The following BANP variants were observed in gnomAD, a reference collection of about 807,000 sequenced individuals.
BANP encodes the protein BTG3 associated nuclear protein.
BANP carries 11 observed loss-of-function variants against 68.1 expected under a neutral mutation model. That is an observed-to-expected ratio of 0.16 (90% CI 0.10 to 0.27). The LOEUF is 0.27. Ranked by LOEUF, BANP falls within the 10% of genes least tolerant of loss-of-function variation. The pLI, the probability that BANP is intolerant of heterozygous loss-of-function variation, is 1.00. For synonymous variants in BANP, 329 were observed against 303.2 expected, an observed-to-expected ratio of 1.09 and a Z score of -0.88; for missense variants, 504 against 722.7, an observed-to-expected ratio of 0.70 and a Z score of 3.47.
At chr16:87,969,291 G>A (rs2060685866) in intron 1 of BANP, among the ~76,000 whole-genome samples, 2 of 152,084 alleles carry the variant, frequency 1.3e-5, no homozygotes, top group South Asian at 2.1e-4. Context: ...ATATGTGAAT[G>A]TCTGTGCTGG....
intron 1 of BANP, among the ~76,000 whole-genome samples, chr16:87,968,450 C>T (rs886580139): frequency 1.2e-4 from 18 of 145,146 alleles, no homozygotes; most frequent in Non-Finnish European, 2.5e-4. Context: ...TGCCATTGCA[C>T]TCCAGCCTGG....
Position 88,006,260 on chromosome 16 carries a change from C to T in BANP, c.650C>T (p.Ser217Leu). 1 of 1,600,086 alleles carries T rather than the reference C, an allele frequency of 6.2e-7. No homozygotes were observed. Residue 217 changes from serine (S) to leucine (L), a missense_variant, in exon 6 of 14, where the codon TCG becomes TTG. By Grantham distance (145) the Ser-to-Leu change is moderately radical (BLOSUM62 -2). Around this residue, in one of 3 missense-constraint regions of BANP, gnomAD observed 43 missense variants for 197.7 expected, o/e 0.22. Coordinates refer to ENST00000682872, the MANE Select transcript of BANP (RefSeq NM_001386991.1). ...AACGTCACGCTCATCACCCTGAACT[C>T]GGAAGGTGCGTCCAGGGCGGCTTTC... ...GSNVTLITLN[S>L]EEDYPNGTWL...
At chr16:87,965,796 G>C (rs4843284) in intron 1 of BANP, among the ~76,000 whole-genome samples, 3 of 152,176 alleles carry the variant, frequency 2.0e-5, no homozygotes, top group Admixed American at 1.3e-4. Flanking sequence ...AGTTGGCCTT[G>C]CCTGTAGACA....
intron 11 of BANP, among the ~76,000 whole-genome samples, chr16:88,055,997 G>A (rs1361503674): frequency 2.0e-5 from 3 of 152,154 alleles, no homozygotes; most frequent in Non-Finnish European, 4.4e-5. Context: ...GGAAAGGTGT[G>A]GAGCTGCCCG....
At chr16:88,023,568 G>A in intron 7 of BANP, among the ~76,000 whole-genome samples, 1 of 152,152 alleles carries the variant, frequency 6.6e-6, no homozygotes, top group Non-Finnish European at 1.5e-5. Flanking sequence ...ACATGAGAGT[G>A]TGTTAGCAGG....
rs1491043686 is a variant in BANP, at chr16:88,057,756, G to GT, written c.1312-7511_1312-7510insT. 1.3e-3 allele frequency among the ~76,000 whole-genome samples: 2 copies of GT among 1,544 alleles called. No individual in the cohort carries two copies. The highest frequency in any genetic ancestry group is 1.4e-3 in the African/African-American group (2 of 1,462). 1.0% of individuals were successfully genotyped at this position (1,544 alleles called of 152,430 possible). A position where few individuals can be genotyped will look rare whatever the true frequency, so the allele number is the denominator to read the frequency against. ...ATGGCGGGGCCATCTGGGTGGGGCGGGGGGGGGGGTGCGTGCAGTGACTCG... is the reference window on the plus strand; with the variant it reads ...ATGGCGGGGCCATCTGGGTGGGGCGGTGGGGGGGGGTGCGTGCAGTGACTCG... On this transcript the variant is annotated intron_variant, in intron 11 of 13. Transcript: ENST00000682872. The surrounding 1 kb of genome is among the most constrained non-coding windows in gnomAD (Gnocchi z 4.6).
At chr16:88,030,592 A>T (rs2077968103) in intron 8 of BANP, among the ~76,000 whole-genome samples, 1 of 152,240 alleles carries the variant, frequency 6.6e-6, no homozygotes, top group Non-Finnish European at 1.5e-5. Context: ...CGTCATTAGG[A>T]TACCAGAATC....
At chr16:87,981,205 G>C (rs2063195590) in intron 3 of BANP, 78 bp downstream of exon 3, 3 of 1,075,064 alleles carry the variant, frequency 2.8e-6, no homozygotes, top group Non-Finnish European at 4.3e-6. Flanking sequence ...ACCATCAATG[G>C]GATGGCTTCA....
intron 1 of BANP, among the ~76,000 whole-genome samples, chr16:87,973,536 G>C (rs11117325): frequency 0.35 from 52,893 of 151,846 alleles, 10,489 homozygotes; most frequent in Non-Finnish European, 0.47. Context: ...CGAGGCATGC[G>C]GATCACCTGA....
intron 3 of BANP, among the ~76,000 whole-genome samples, chr16:87,981,502 C>A (rs1406049586): frequency 6.6e-6 from 1 of 152,220 alleles, no homozygotes; most frequent in South Asian, 2.1e-4. Flanking sequence ...TAAATTACAT[C>A]TACACAGACC....
intron 3 of BANP, chr16:87,982,680 C>T (rs1461539731): frequency 6.6e-6 from 1 of 152,172 alleles, no homozygotes; most frequent in Non-Finnish European, 1.5e-5. Context: ...CAGTTGGTTT[C>T]TTTAGCTCCT....
Position 88,072,061 on chromosome 16 carries a change from C to A in BANP, c.1378-8C>A. 1.9e-6 allele frequency: 3 copies of A among 1,566,098 alleles called. No homozygotes were observed. The African/African-American group carries it at 4.0e-5, about 21-fold the overall frequency. On this transcript the variant is annotated splice_polypyrimidine_tract_variant and splice_region_variant and intron_variant, in intron 12 of 13. Transcript: ENST00000682872. ...GCCGCTGACGGGCCCCCGTGTGTCT[C>A]CCTCCAGGTGCTGCAGGGTGCACAG...
intron 11 of BANP, among the ~76,000 whole-genome samples, chr16:88,048,712 C>G (rs1278012557): frequency 6.6e-6 from 1 of 152,086 alleles, no homozygotes. Flanking sequence ...GACGTCCATT[C>G]TAACGGTGTT....
At chr16:88,041,813 G>C (rs897309771) in intron 11 of BANP, among the ~76,000 whole-genome samples, 2 of 152,268 alleles carry the variant, frequency 1.3e-5, no homozygotes, top group African/African-American at 2.4e-5. Flanking sequence ...TCTGCTGACA[G>C]GTGCTCTGCA....
Position 88,064,518 on chromosome 16 carries a change from C to T in BANP, c.1312-749C>T, listed in dbSNP as rs116073667. On this transcript the variant is annotated intron_variant, in intron 11 of 13. Coordinates refer to ENST00000682872, the MANE Select transcript of BANP (RefSeq NM_001386991.1). The surrounding 1 kb of genome is among the most constrained non-coding windows in gnomAD (Gnocchi z 4.5). ...CCCACGGACAGATGCTCCCAGGATG[C>T]GGCTAGGCGTCCAGGCCAGCATCGG... is the stretch of plus-strand genomic sequence containing the variant. Among the ~76,000 whole-genome samples, 4 of 152,252 alleles carry T rather than the reference C, an allele frequency of 2.6e-5. No individual in the cohort carries two copies. The highest frequency in any genetic ancestry group is 4.4e-5 in the Non-Finnish European group (3 of 68,044).
Position 87,957,540 on chromosome 16 carries a change from G to A in BANP, c.-69+6025G>A, listed in dbSNP as rs1181687291. Among the ~76,000 whole-genome samples, 2 of 152,242 alleles carry A rather than the reference G, an allele frequency of 1.3e-5. No homozygotes were observed. The highest frequency in any genetic ancestry group is 2.9e-5 in the Non-Finnish European group (2 of 68,042). On this transcript the variant is annotated intron_variant, in intron 1 of 13. Transcript: ENST00000682872. This position sits in a 1 kb window ranked among gnomAD's most constrained non-coding sequence, Gnocchi z 4.3. ...ACGGAGGCCTGCCGCAGGGCCCTGC[G>A]CTGACAAACCTTTCGCTAGTGACCA...
At chr16:87,989,387 A>C (rs1311759547) in intron 4 of BANP, among the ~76,000 whole-genome samples, 1 of 152,232 alleles carries the variant, frequency 6.6e-6, no homozygotes, top group Non-Finnish European at 1.5e-5. Context: ...CGGTTGGTGC[A>C]TTCGTTATGT....
intron 1 of BANP, among the ~76,000 whole-genome samples, chr16:87,962,182 G>C (rs1191236657): frequency 1.4e-5 from 2 of 142,590 alleles, no homozygotes; most frequent in African/African-American, 5.2e-5. Context: ...GGAGGTTGCA[G>C]TGAGCCGAGA....
intron 11 of BANP, among the ~76,000 whole-genome samples, chr16:88,061,270 C>T (rs543760688): frequency 2.0e-5 from 3 of 152,350 alleles, no homozygotes; most frequent in African/African-American, 7.2e-5. Context: ...GTAAATCTGC[C>T]TTATAGCTCT....
Sources: gnomAD v4.1 joint callset for allele counts (sites outside exome capture counted in the v4.1 genomes callset) on GRCh38, gnomAD v4.1.1 for gene constraint, gnomAD v4.1.1 regional missense constraint, Gnocchi (gnomAD v3.1) non-coding constraint, MANE v1.5 for transcripts, NCBI Gene and HGNC (gene_info 2026-07-23, HGNC 2026-07-21) for gene names.